The following FERMT1 variants were observed in gnomAD, a reference collection of about 807,000 sequenced individuals.
FERMT1 encodes the protein fermitin family homolog 1.
Under a neutral mutation model 85.3 loss-of-function variants are expected in FERMT1, and 60 were observed. The ratio of observed to expected loss-of-function variants is 0.70; its 90% confidence interval spans 0.57 to 0.87. The LOEUF is 0.87. Among genes scored for constraint, FERMT1 ranks in the 40% least tolerant of loss-of-function variants. The pLI is 0.00. For synonymous variants in FERMT1, 275 were observed against 301.1 expected, an observed-to-expected ratio of 0.91 and a Z score of 0.90; for missense variants, 701 against 818.9, an observed-to-expected ratio of 0.86 and a Z score of 1.76.
intron 9 of FERMT1, among the ~76,000 whole-genome samples, chr20:6,093,838 C>T (rs564909481): frequency 9.9e-5 from 15 of 152,270 alleles, no homozygotes; most frequent in African/African-American, 3.6e-4. Context: ...CACCTGTAAT[C>T]CCAGCTACTC....
At chr20:6,092,856 G>A (rs1982404629) in intron 9 of FERMT1, among the ~76,000 whole-genome samples, 1 of 152,002 alleles carries the variant, frequency 6.6e-6, no homozygotes, top group Admixed American at 6.6e-5. Context: ...AAATTCCTCT[G>A]TGTGGCTGAT....
intron 11 of FERMT1, among the ~76,000 whole-genome samples, chr20:6,085,545 A>G (rs1219549143): frequency 6.6e-6 from 1 of 152,170 alleles, no homozygotes; most frequent in Non-Finnish European, 1.5e-5. Flanking sequence ...CATGCAGGGA[A>G]TTTGCATTTA....
intron 11 of FERMT1, 42 bp from the exon 12 acceptor site, chr20:6,085,329 G>A: frequency 6.4e-7 from 1 of 1,560,680 alleles, no homozygotes; most frequent in Non-Finnish European, 8.8e-7. Context: ...CAAGTGCAAA[G>A]CCCCCTGCTG....
At chr20:6,087,000 T>A (rs62200471) in intron 11 of FERMT1, among the ~76,000 whole-genome samples, 15,852 of 152,118 alleles carry the variant, frequency 0.1, 853 homozygotes, top group African/African-American at 0.13. Context: ...GGAATTCCCA[T>A]CCCTTGACTG....
Position 6,095,019 on chromosome 20 carries a change from A to G in FERMT1, c.1090-31T>C, listed in dbSNP as rs779144445. 2.7e-5 allele frequency: 36 copies of G among 1,314,348 alleles called. No homozygotes were observed. The East Asian group carries it at 8.0e-4, about 29-fold the overall frequency. The allele number at this position is 1,314,348 out of a possible 1,614,324, so 81.4% of individuals were successfully genotyped here. A position where few individuals can be genotyped will look rare whatever the true frequency, so the allele number is the denominator to read the frequency against. The stretch of plus-strand genomic sequence containing the variant: ...AAAAAACAAATAAAGTTTCAAAAGC[A>G]GGAACTTCATAAGTGATGCTGATAC... On this transcript the variant is annotated intron_variant, in intron 8 of 14. Coordinates refer to ENST00000217289, the MANE Select transcript of FERMT1 (RefSeq NM_017671.5).
Position 6,094,970 on chromosome 20 carries a change from G to T in FERMT1, c.1108C>A (p.Pro370Thr). The change falls in exon 9 of 15, where the codon CCT (proline) becomes ACT (threonine). Residue 370 changes from proline (P) to threonine (T), a missense_variant. By Grantham distance (38) the Pro-to-Thr change is conservative. Transcript: ENST00000217289. ...AATTTGAGATTATCTGCAAGTTTAGGGATATCAGTAATGTCCTCCTAAGAA... is the reference window on the plus strand; with the variant it reads ...AATTTGAGATTATCTGCAAGTTTAGTGATATCAGTAATGTCCTCCTAAGAA... ...DSLLEDITDI[P>T]KLADNLKLFR... is the part of the protein sequence containing the mutation. The T allele has an allele frequency of 6.5e-7, 1 of 1,543,584 alleles. No individual in the cohort carries two copies. The highest frequency in any genetic ancestry group is 9.0e-7 in the Non-Finnish European group (1 of 1,115,886).
Position 6,107,555 on chromosome 20 carries a change from A to G in FERMT1, c.826T>C (p.Ser276Pro). The G allele has an allele frequency of 1.2e-6, 2 of 1,611,622 alleles. No homozygotes were observed. Among genetic ancestry groups the G allele is most frequent in the Non-Finnish European group, 1.7e-6 (2 of 1,178,000 alleles). Residue 276 changes from serine (S) to proline (P), a missense_variant, in exon 6 of 15, where the codon TCT becomes CCT. By Grantham distance (74) the Ser-to-Pro change is moderately conservative. Coordinates refer to ENST00000217289, the MANE Select transcript of FERMT1 (RefSeq NM_017671.5). ...EQLLLRFKYY[S>P]FFDLNPKYDA... ...ACTTTAGGATTCAAGTCGAAGAAAGAATAATATTTAAATCGTAAGAGCAGC... is the reference window on the plus strand; with the variant it reads ...ACTTTAGGATTCAAGTCGAAGAAAGGATAATATTTAAATCGTAAGAGCAGC...
intron 6 of FERMT1, among the ~76,000 whole-genome samples, chr20:6,099,830 TAAAAAA>T (rs112369032): frequency 4.8e-4 from 58 of 120,492 alleles, no homozygotes; most frequent in African/African-American, 1.1e-3. Flanking sequence ...TCACTGTTTC[TAAAAAA>T]AAAAAAAAAA....
intron 13 of FERMT1, among the ~76,000 whole-genome samples, chr20:6,082,414 T>C (rs1211010042): frequency 6.6e-6 from 1 of 152,174 alleles, no homozygotes; most frequent in Non-Finnish European, 1.5e-5. Context: ...AAGCTGGGCC[T>C]GGTCAGTTCA....
chr20:6,089,068 T>A lies in FERMT1; in HGVS notation c.1161A>T (p.Lys387Asn), dbSNP rs753662479. 1 of 1,612,520 alleles carries A rather than the reference T, an allele frequency of 6.2e-7. No individual in the cohort carries two copies. The highest frequency in any genetic ancestry group is 2.2e-5 in the East Asian group (1 of 44,840). The change falls in exon 10 of 15, where the codon AAA becomes AAT. Residue 387 changes from lysine (K) to asparagine (N), a missense_variant. Lys to Asn is a moderately conservative substitution (Grantham distance 94, BLOSUM62 0). Coordinates refer to ENST00000217289, the MANE Select transcript of FERMT1 (RefSeq NM_017671.5). ...AGATAAACCAATATTGTTTGAAAGC[T>A]TTTGGTAGTAACTTCTTGGGCCTGC... ...KLFRPKKLLP[K>N]AFKQYWFIFK...
At chr20:6,087,910 C>T in intron 10 of FERMT1, 27 bp from the exon 11 acceptor site, 1 of 1,207,970 alleles carries the variant, frequency 8.3e-7, no homozygotes, top group Non-Finnish European at 1.2e-6. Context: ...AGAGACAAAA[C>T]TGAGTTCTGA....
intron 3 of FERMT1, among the ~76,000 whole-genome samples, chr20:6,112,926 C>G (rs556273958): frequency 1.3e-5 from 2 of 152,318 alleles, no homozygotes; most frequent in South Asian, 4.1e-4. Flanking sequence ...CCTTCATGGG[C>G]TCCCCAGCTT....
intron 7 of FERMT1, 94 bp downstream of exon 7, chr20:6,097,430 G>T: frequency 2.2e-6 from 2 of 894,424 alleles, no homozygotes; most frequent in South Asian, 1.4e-5. Flanking sequence ...TTTCTTCAAA[G>T]AACAAAAAAA....
chr20:6,099,401 C>A (rs1379377348), intron 6 of FERMT1, among the ~76,000 whole-genome samples: 4 of 132,566 alleles, frequency 3.0e-5, no homozygotes, highest in Non-Finnish European at 4.7e-5. Context: ...GTGAGACTGT[C>A]TCGAAAAAAA....
chr20:6,087,040 A>G (rs538326126), intron 11 of FERMT1, among the ~76,000 whole-genome samples: 8 of 152,166 alleles, frequency 5.3e-5, no homozygotes, highest in African/African-American at 1.9e-4. Context: ...TGCTTTGGCC[A>G]ATGGAATGTG....
intron 6 of FERMT1, among the ~76,000 whole-genome samples, chr20:6,102,112 C>T (rs1036293905): frequency 4.7e-5 from 7 of 150,492 alleles, no homozygotes; most frequent in Non-Finnish European, 2.9e-5. Flanking sequence ...ACTGCAGCCT[C>T]GAACTCCTGG....
intron 13 of FERMT1, among the ~76,000 whole-genome samples, chr20:6,082,490 G>A (rs554771497): frequency 6.6e-6 from 1 of 152,304 alleles, no homozygotes; most frequent in South Asian, 2.1e-4. Context: ...GTGTGTGTCC[G>A]CACATGGACA....
Position 6,097,593 on chromosome 20 carries a change from G to A in FERMT1, c.888C>T (p.Ala296=), listed in dbSNP as rs748808480. Residue 296 remains alanine (A), a synonymous_variant, in exon 7 of 15, where the codon GCC becomes GCT. Coordinates refer to ENST00000217289, the MANE Select transcript of FERMT1 (RefSeq NM_017671.5). ...AVRINQLYEQ[A]RWAILLEEID... ...TTTCTTCTAAGAGAATGGCCCACCT[G>A]GCTTGCTCATAGAGTTGGTTTATTC... The A allele has an allele frequency of 8.6e-5, 139 of 1,613,976 alleles. 1 individual carries two copies. The East Asian group carries it at 2.9e-3, about 34-fold the overall frequency.
chr20:6,080,376 G>A (rs1052681702), intron 13 of FERMT1, among the ~76,000 whole-genome samples: 13 of 152,124 alleles, frequency 8.5e-5, no homozygotes, highest in East Asian at 1.9e-4. Context: ...TTGAACTCCC[G>A]AACTTAGGCA....
Sources: allele counts gnomAD v4.1 joint callset (sites outside exome capture counted in the v4.1 genomes callset), GRCh38; gene constraint gnomAD v4.1.1; transcripts MANE v1.5; gene names NCBI Gene and HGNC (gene_info 2026-07-23, HGNC 2026-07-21).